The following TAFA3 variants were observed in gnomAD, a reference collection of about 807,000 sequenced individuals.
TAFA3 encodes chemokine-like protein TAFA-3.
Under a neutral mutation model 20.7 loss-of-function variants are expected in TAFA3, and 17 were observed. The observed-to-expected ratio is 0.82, with a 90% CI of 0.56 to 1.23. The LOEUF is 1.23. Ranked by LOEUF, TAFA3 falls within the 50% of genes most tolerant of loss-of-function variation. TAFA3 has a pLI of 0.00. For missense variants in TAFA3, 174 were observed against 172.8 expected (o/e 1.01, Z -0.04); for synonymous variants, 74 against 71.8 (o/e 1.03, Z -0.16).
chr1:112,723,809 G>A, intron 4 of TAFA3: 2 of 926,968 alleles, frequency 2.2e-6, no homozygotes, highest in Non-Finnish European at 3.3e-6. Context: ...GGATCGGTGG[G>A]ATTAAAGTTG....
chr1:112,725,186 T>C (rs1675437915), intron 5 of TAFA3, among the ~76,000 whole-genome samples: 1 of 151,968 alleles, frequency 6.6e-6, no homozygotes, highest in Non-Finnish European at 1.5e-5. Context: ...TGGGTACACA[T>C]GGACATAAAG....
chr1:112,726,602 A>G (rs371189662), intron 5 of TAFA3, 27 bp from the exon 6 acceptor site: 2 of 1,613,518 alleles, frequency 1.2e-6, no homozygotes, highest in Non-Finnish European at 1.7e-6. Flanking sequence ...TCCCTTCTCT[A>G]ACCTTACCCT....
Position 112,722,267 on chromosome 1 carries a change from G to A in TAFA3, c.34G>A (p.Gly12Ser). 1 of 1,614,126 alleles carries A rather than the reference G, an allele frequency of 6.2e-7. No homozygotes were observed. The highest frequency in any genetic ancestry group is 1.1e-5 in the South Asian group (1 of 91,080). ...SERVERNWST[G>S]GWLLALCLAW... ...GAGGGTCGAGCGGAACTGGAGCACG[G>A]GCGGCTGGCTGCTGGCACTGTGCCT... The change falls in exon 3 of 6, where the codon GGC becomes AGC. Residue 12 changes from glycine (G) to serine (S), a missense_variant. Transcript: ENST00000361886.
At chr1:112,725,395 TAA>T (rs35474012) in intron 5 of TAFA3, among the ~76,000 whole-genome samples, 13 of 83,356 alleles carry the variant, frequency 1.6e-4, no homozygotes, top group African/African-American at 3.4e-4. Context: ...GTTGAAATAT[TAA>T]AAAAAAAAAA....
chr1:112,724,486 G>A (rs944088967), intron 5 of TAFA3, among the ~76,000 whole-genome samples: 3 of 151,710 alleles, frequency 2.0e-5, no homozygotes, highest in African/African-American at 2.4e-5. Context: ...CCTTTGTAGG[G>A]ACATGGATGA....
chr1:112,723,963 A>G (rs1459785598), intron 4 of TAFA3, 50 bp from the exon 5 acceptor site: 1 of 1,613,532 alleles, frequency 6.2e-7, no homozygotes, highest in Non-Finnish European at 8.5e-7. Context: ...TTGGCTGCCC[A>G]CTGTGCTCGT....
At chr1:112,724,275 C>G in intron 5 of TAFA3, 138 bp downstream of exon 5, 1 of 800,636 alleles carries the variant, frequency 1.2e-6, no homozygotes, top group Non-Finnish European at 1.9e-6. Flanking sequence ...ACAGACAGTC[C>G]TCTCAGGTCT....
At chr1:112,720,934 A>C (rs922537377) in intron 2 of TAFA3, among the ~76,000 whole-genome samples, 1 of 152,184 alleles carries the variant, frequency 6.6e-6, no homozygotes, top group African/African-American at 2.4e-5. Flanking sequence ...TGGGAGGCCC[A>C]AACCATCAAC....
At chr1:112,723,624 G>T (rs184438840) in intron 4 of TAFA3, among the ~76,000 whole-genome samples, 103 of 151,812 alleles carry the variant, frequency 6.8e-4, no homozygotes, top group African/African-American at 2.4e-3. Context: ...ACTGTGTCAC[G>T]CGCATACCAG....
chr1:112,722,201 G>A, intron 2 of TAFA3, 32 bp from the exon 3 acceptor site: 1 of 1,610,538 alleles, frequency 6.2e-7, no homozygotes, highest in Non-Finnish European at 8.5e-7. Flanking sequence ...CTTCTGCCTG[G>A]AGCTGAGCAG....
intron 5 of TAFA3, among the ~76,000 whole-genome samples, chr1:112,724,424 A>G (rs1166705787): frequency 6.6e-6 from 1 of 152,018 alleles, no homozygotes; most frequent in East Asian, 1.9e-4. Context: ...CAGGCCTATA[A>G]AAACATAGTC....
chr1:112,722,789 G>T (rs1487712443), intron 3 of TAFA3, among the ~76,000 whole-genome samples: 1 of 152,164 alleles, frequency 6.6e-6, no homozygotes, highest in Admixed American at 6.5e-5. Flanking sequence ...CCCAGGGGCC[G>T]TGCTCTGCCA....
chr1:112,722,637 G>T (rs1002134502), intron 3 of TAFA3, among the ~76,000 whole-genome samples: 4 of 152,108 alleles, frequency 2.6e-5, no homozygotes, highest in Non-Finnish European at 5.9e-5. Context: ...TAGCCTCCTG[G>T]CCTAATTCTA....
In TAFA3 at chr1:112,724,054, T is replaced by C. The variant is rs751903746; in HGVS notation, c.307T>C (p.Cys103Arg). Residue 103 changes from cysteine to arginine, a missense_variant, in exon 5 of 6, where the codon TGC (cysteine) becomes CGC (arginine). By Grantham distance (180) the Cys-to-Arg change is radical (BLOSUM62 -3). Transcript: ENST00000361886. ...GAGATGGTGGTGTCAGATGGAGCCC[T>C]GCCTGCCGGGGGAGGAGTGTAAGGT... Reference protein sequence around the residue: ...LQRWWCQMEPCLPGEECKVLP... With the variant: ...LQRWWCQMEPRLPGEECKVLP... 1 of 1,613,880 alleles carries C rather than the reference T, an allele frequency of 6.2e-7. No homozygotes were observed. The highest frequency in any genetic ancestry group is 1.1e-5 in the South Asian group (1 of 91,056).
chr1:112,724,470 T>C (rs952262523), intron 5 of TAFA3, among the ~76,000 whole-genome samples: 1 of 151,760 alleles, frequency 6.6e-6, no homozygotes, highest in African/African-American at 2.4e-5. Flanking sequence ...AATGATGAGT[T>C]CATGTCCTTT....
rs1191472491 is a variant in TAFA3, at chr1:112,718,945, G to A, written c.-414G>A. The stretch of plus-strand genomic sequence containing the variant: ...GCGGCGGCGCCCACGCGGGGCTGGA[G>A]GAGCGGGGGTAGCCCGGGGCGAGGC... On this transcript the variant is annotated 5_prime_UTR_variant, in exon 1 of 6. Transcript: ENST00000361886. Among the ~76,000 whole-genome samples the A allele has an allele frequency of 1.3e-5, 2 of 152,224 alleles. No individual in the cohort carries two copies. Among genetic ancestry groups the A allele is most frequent in the Admixed American group, 6.5e-5 (1 of 15,288 alleles).
At chr1:112,725,395 T>TA (rs35474012) in intron 5 of TAFA3, among the ~76,000 whole-genome samples, 2,685 of 83,312 alleles carry the variant, frequency 0.032, 66 homozygotes, top group East Asian at 0.085. Context: ...GTTGAAATAT[T>TA]AAAAAAAAAA....
rs375502853 is a variant in TAFA3, at chr1:112,726,611, C to T, written c.391-18C>T. ...AGGCATTCCCTTCTCTAACCTTACC[C>T]TCTCGCTTCTTCACCAGGTCACACG... On this transcript the variant is annotated intron_variant, in intron 5 of 5. Coordinates refer to ENST00000361886, the MANE Select transcript of TAFA3 (RefSeq NM_182759.3). 269 of 1,613,660 alleles carry T rather than the reference C, an allele frequency of 1.7e-4. No homozygotes were observed. The highest frequency in any genetic ancestry group is 2.2e-4 in the Non-Finnish European group (259 of 1,179,812).
At chr1:112,719,439 G>A (rs1188561213) in intron 1 of TAFA3, among the ~76,000 whole-genome samples, 140 bp downstream of exon 1, 1 of 152,158 alleles carries the variant, frequency 6.6e-6, no homozygotes, top group African/African-American at 2.4e-5. Flanking sequence ...TGCTAACTCA[G>A]CCTCACTAAA....
Sources: allele counts gnomAD v4.1 joint callset (sites outside exome capture counted in the v4.1 genomes callset), GRCh38; gene constraint gnomAD v4.1.1; transcripts MANE v1.5; gene names NCBI Gene and HGNC (gene_info 2026-07-23, HGNC 2026-07-21).